Variants in OR2T6 observed in about 807,000 individuals in gnomAD.
The protein encoded by OR2T6 is olfactory receptor family 2 subfamily T member 6.
For missense variants in OR2T6, 424 were observed against 391.6 expected (o/e 1.08, Z -0.70); for synonymous variants, 174 against 148.0 (o/e 1.18, Z -1.27).
chr1:248,384,595 T>G (rs1401597737), intron 1 of OR2T6, 116 bp from the exon 2 acceptor site: 2 of 98,432 alleles, frequency 2.0e-5, no homozygotes, highest in Admixed American at 1.1e-4. Flanking sequence ...TCCTGAAGTG[T>G]TTCCTAGTGT....
At chr1:248,377,384 T>C (rs1051144482) in intron 1 of OR2T6, among the ~76,000 whole-genome samples, 1 of 152,220 alleles carries the variant, frequency 6.6e-6, no homozygotes. Flanking sequence ...GAGTAATCAA[T>C]TGATGTATAG....
In OR2T6 at chr1:248,391,150, T is replaced by G. The variant is rs1453380980; in HGVS notation, c.*2615T>G. The G allele has an allele frequency of 6.6e-6, 1 of 152,216 alleles. No homozygotes were observed. Among genetic ancestry groups the G allele is most frequent in the African/African-American group, 2.4e-5 (1 of 41,454 alleles). The allele number at this position is 152,216 out of a possible 1,614,324, so 9.4% of individuals were successfully genotyped here. ...GGCAATTGTGTTTCTTGGTGTTAAC[T>G]CTGCTGATTTGGAAACTTATGTTCA... On this transcript the variant is annotated 3_prime_UTR_variant, in exon 3 of 3. Coordinates refer to ENST00000641644, the MANE Select transcript of OR2T6 (RefSeq NM_001005471.2).
chr1:248,389,942 C>T lies in OR2T6; in HGVS notation c.*1407C>T, dbSNP rs1661220561. On this transcript the variant is annotated 3_prime_UTR_variant, in exon 3 of 3. Transcript: ENST00000641644. ...GAAAGAGTCTCTGAGGTGGCAGAGA[C>T]TTCAGCAGCAGATGCCAAGTTTTCA... is the stretch of plus-strand genomic sequence containing the variant. 1 of 152,164 alleles carries T rather than the reference C, an allele frequency of 6.6e-6. No individual in the cohort carries two copies. The highest frequency in any genetic ancestry group is 6.5e-5 in the Admixed American group (1 of 15,282). The allele number at this position is 152,164 out of a possible 1,614,324, so 9.4% of individuals were successfully genotyped here. A position where few individuals can be genotyped will look rare whatever the true frequency, so the allele number is the denominator to read the frequency against.
At position 248,388,541 on chromosome 1, in the gene OR2T6, AT is replaced by A. The variant is rs951754874; in HGVS notation, c.*7del. ...GAGTTGTGGCAAGATGTTAGGGGACATGTGGTGTGATGAGGAAAGAATTCTG... is the reference window on the plus strand; with the variant it reads ...GAGTTGTGGCAAGATGTTAGGGGACAGTGGTGTGATGAGGAAAGAATTCTG... On this transcript the variant is annotated 3_prime_UTR_variant, in exon 3 of 3. Transcript: ENST00000641644. 3 of 1,544,588 alleles carry A rather than the reference AT, an allele frequency of 1.9e-6. No homozygotes were observed. In the African/African-American group the frequency reaches 4.1e-5, roughly 21 times the overall value.
chr1:248,388,265 C>G lies in OR2T6; in HGVS notation c.657C>G (p.Thr219=). The change falls in exon 3 of 3, where the codon ACC becomes ACG. Residue 219 remains threonine, a synonymous_variant. Transcript: ENST00000641644. ...IPFSVVTASY[T]RILITVHQMT... ...TCTCGGTGGTGACTGCATCCTACAC[C>G]AGGATTCTCATCACAGTGCATCAGA... 1.2e-6 allele frequency: 2 copies of G among 1,605,928 alleles called. No individual in the cohort carries two copies. Among genetic ancestry groups the G allele is most frequent in the Non-Finnish European group, 1.7e-6 (2 of 1,176,890 alleles).
At position 248,390,993 on chromosome 1, in the gene OR2T6, A is replaced by G. The variant is rs1019829142; in HGVS notation, c.*2458A>G. On this transcript the variant is annotated 3_prime_UTR_variant, in exon 3 of 3. Transcript: ENST00000641644. The stretch of plus-strand genomic sequence containing the variant: ...TTCTTTGAAAAGATGATTGACTTTT[A>G]TATTCAGTTTTTACAATTTCTTTCA... 1.6e-4 allele frequency: 24 copies of G among 152,350 alleles called. No homozygotes were observed. The highest frequency in any genetic ancestry group is 5.8e-4 in the African/African-American group (24 of 41,586). 9.4% of individuals were successfully genotyped at this position (152,350 alleles called of 1,614,324 possible).
At chr1:248,386,728 A>C (rs1475321050) in intron 2 of OR2T6, among the ~76,000 whole-genome samples, 1 of 152,150 alleles carries the variant, frequency 6.6e-6, no homozygotes, top group Non-Finnish European at 1.5e-5. Context: ...TTGTTTCCTG[A>C]CTATCCCAAA....
At chr1:248,378,169 G>A (rs1050854561) in intron 1 of OR2T6, among the ~76,000 whole-genome samples, 3 of 152,214 alleles carry the variant, frequency 2.0e-5, no homozygotes, top group South Asian at 2.1e-4. Context: ...CTAAAAGATG[G>A]ATTTTTTAAG....
intron 1 of OR2T6, among the ~76,000 whole-genome samples, chr1:248,377,343 G>A (rs1365565753): frequency 6.6e-6 from 1 of 152,180 alleles, no homozygotes; most frequent in East Asian, 1.9e-4. Flanking sequence ...ATTAGTATGA[G>A]TTTGAAATGG....
rs564103986 is a variant in OR2T6 at position 248,378,776 on chromosome 1, T to C, written c.-159+2722T>C. On this transcript the variant is annotated intron_variant, in intron 1 of 2. Coordinates refer to ENST00000641644, the MANE Select transcript of OR2T6 (RefSeq NM_001005471.2). ...GACAAATTCCTCTAGAATAATTTTCTATTGCTTTTTAAATTAATACTGAAT... is the reference window on the plus strand; with the variant it reads ...GACAAATTCCTCTAGAATAATTTTCCATTGCTTTTTAAATTAATACTGAAT... Among the ~76,000 whole-genome samples, 3 of 152,366 alleles carry C rather than the reference T, an allele frequency of 2.0e-5. No individual in the cohort carries two copies. The East Asian group carries it at 5.8e-4, about 29-fold the overall frequency.
In OR2T6 at chr1:248,388,086, A is replaced by T. The variant is rs1458774567; in HGVS notation, c.478A>T (p.Thr160Ser). Reference protein sequence around the residue: ...FGGALDSFLLTPITMSLPFCA... With the variant: ...FGGALDSFLLSPITMSLPFCA... ...TGGGGCTTTGGACAGTTTTCTCCTC[A>T]CCCCCATTACCATGAGTCTCCCGTT... Residue 160 changes from threonine (T) to serine (S), a missense_variant, in exon 3 of 3, where the codon ACC becomes TCC. Coordinates refer to ENST00000641644, the MANE Select transcript of OR2T6 (RefSeq NM_001005471.2). 1.2e-6 allele frequency: 2 copies of T among 1,613,066 alleles called. No homozygotes were observed. Among genetic ancestry groups the T allele is most frequent in the Non-Finnish European group, 1.7e-6 (2 of 1,179,796 alleles).
At chr1:248,385,635 C>T (rs577920079) in intron 2 of OR2T6, among the ~76,000 whole-genome samples, 1 of 152,184 alleles carries the variant, frequency 6.6e-6, no homozygotes, top group African/African-American at 2.4e-5. Flanking sequence ...AATGCACAAG[C>T]CTGCAGCCCT....
rs1453472321 is a variant in OR2T6, at chr1:248,390,047, T to A, written c.*1512T>A. The stretch of plus-strand genomic sequence containing the variant: ...GGCCTGCTCTTTTACGGTTACAGAG[T>A]CCTCCCATGAGAACTGATCATGGAA... On this transcript the variant is annotated 3_prime_UTR_variant, in exon 3 of 3. Transcript: ENST00000641644. The A allele has an allele frequency of 6.6e-6, 1 of 152,118 alleles. No individual in the cohort carries two copies. The highest frequency in any genetic ancestry group is 2.4e-5 in the African/African-American group (1 of 41,420). The allele number at this position is 152,118 out of a possible 1,614,324, so 9.4% of individuals were successfully genotyped here.
chr1:248,387,882 A>T lies in OR2T6; in HGVS notation c.274A>T (p.Ile92Phe), dbSNP rs113128374. The change falls in exon 3 of 3, where the codon ATC becomes TTC. Residue 92 changes from isoleucine to phenylalanine, a missense_variant. Coordinates refer to ENST00000641644, the MANE Select transcript of OR2T6 (RefSeq NM_001005471.2). ...AGATTATCTCATGGGCGAGGGGACCATCTCTTTCATCGCCTGCACTGCTCA... is the reference window on the plus strand; with the variant it reads ...AGATTATCTCATGGGCGAGGGGACCTTCTCTTTCATCGCCTGCACTGCTCA... ...LVDYLMGEGT[I>F]SFIACTAQCF... 1,216 of 1,596,082 alleles carry T rather than the reference A, an allele frequency of 7.6e-4. 12 individuals carry two copies. In the African/African-American group the frequency reaches 0.015, roughly 19 times the overall value.
chr1:248,381,651 A>G (rs1052533987), intron 1 of OR2T6, among the ~76,000 whole-genome samples: 2 of 152,072 alleles, frequency 1.3e-5, no homozygotes, highest in Non-Finnish European at 2.9e-5. Flanking sequence ...ATAGATATAT[A>G]TGTATCTATC....
At chr1:248,384,562 C>G (rs1205025694) in intron 1 of OR2T6, 149 bp from the exon 2 acceptor site, 2 of 130,154 alleles carry the variant, frequency 1.5e-5, no homozygotes, top group Non-Finnish European at 1.6e-5. Flanking sequence ...AAGCACTGCA[C>G]TAGCCTGAGT....
rs556339040 is a variant in OR2T6 at position 248,391,638 on chromosome 1, T to C, written c.*3103T>C. 6.6e-6 allele frequency: 1 copy of C among 152,292 alleles called. No homozygotes were observed. The highest frequency in any genetic ancestry group is 2.4e-5 in the African/African-American group (1 of 41,558). The allele number at this position is 152,292 out of a possible 1,614,324, so 9.4% of individuals were successfully genotyped here. On this transcript the variant is annotated 3_prime_UTR_variant, in exon 3 of 3. Transcript: ENST00000641644. ...TATGTAAAATATGAACTATTAATAA[T>C]AATGTATCAAAATTGATTCATCTAT...
chr1:248,386,474 A>G (rs1214113953), intron 2 of OR2T6, among the ~76,000 whole-genome samples: 2 of 152,210 alleles, frequency 1.3e-5, no homozygotes, highest in African/African-American at 4.8e-5. Flanking sequence ...ACCCACAAAA[A>G]TACAACACTA....
rs1661248352 is a variant in OR2T6 at position 248,391,505 on chromosome 1, G to A, written c.*2970G>A. 6.6e-6 allele frequency: 1 copy of A among 152,076 alleles called. No homozygotes were observed. The highest frequency in any genetic ancestry group is 1.5e-5 in the Non-Finnish European group (1 of 68,026). 9.4% of individuals were successfully genotyped at this position (152,076 alleles called of 1,614,324 possible). ...GAGCACAGAGGACTTTTAGAGCAGT[G>A]AAACTATTGTATATGACACAGTAAT... On this transcript the variant is annotated 3_prime_UTR_variant, in exon 3 of 3. Transcript: ENST00000641644.
Sources: gnomAD v4.1 joint callset for allele counts (sites outside exome capture counted in the v4.1 genomes callset) on GRCh38, gnomAD v4.1.1 for gene constraint, MANE v1.5 for transcripts, NCBI Gene and HGNC (gene_info 2026-07-23, HGNC 2026-07-21) for gene names.